METTL9: variants seen among roughly 807,000 people sequenced by gnomAD.
The protein encoded by METTL9 is methyltransferase 9, His-X-His N1(pi)-histidine, also known as protein-L-histidine N-pros-methyltransferase.
METTL9 carries 10 observed loss-of-function variants against 36.0 expected under a neutral mutation model. That is an observed-to-expected ratio of 0.28 (90% CI 0.17 to 0.47). The LOEUF (loss-of-function observed/expected upper bound fraction) is 0.47. Ranked by LOEUF, METTL9 falls within the 20% of genes least tolerant of loss-of-function variation. The probability of loss-of-function intolerance (pLI) is 0.99; values close to 1 mark genes in which losing one functional copy is unlikely to be tolerated. For missense variants in METTL9, 246 were observed against 383.5 expected, an observed-to-expected ratio of 0.64 and a Z score of 3.00; for synonymous variants, 175 against 149.7, an observed-to-expected ratio of 1.17 and a Z score of -1.23.
intron 3 of METTL9, among the ~76,000 whole-genome samples, chr16:21,623,765 TTTTTG>T (rs774700629): frequency 5.9e-5 from 9 of 151,940 alleles, no homozygotes; most frequent in East Asian, 5.8e-4. Flanking sequence ...TTCTGTATAG[TTTTTG>T]TTTTGTTTTG....
intron 4 of METTL9, chr16:21,644,330 TAGAC>T (rs1966362901): frequency 2.5e-6 from 4 of 1,613,912 alleles, no homozygotes; most frequent in African/African-American, 1.3e-5. Context: ...ACCGGTCACA[TAGAC>T]AGAGAGCAGT....
intron 1 of METTL9, among the ~76,000 whole-genome samples, chr16:21,611,776 AT>A (rs1287752002): frequency 6.6e-6 from 1 of 152,160 alleles, no homozygotes. Context: ...CCGGGACTTG[AT>A]TGTGGGGCTG....
At chr16:21,638,509 C>T (rs1335771901) in intron 4 of METTL9, among the ~76,000 whole-genome samples, 2 of 151,998 alleles carry the variant, frequency 1.3e-5, no homozygotes, top group African/African-American at 4.8e-5. Flanking sequence ...TGTTCAATTG[C>T]ATTTATAGAA....
chr16:21,643,289 C>A, intron 4 of METTL9: 1 of 676,598 alleles, frequency 1.5e-6, no homozygotes, highest in Non-Finnish European at 2.6e-6. Flanking sequence ...TATGTGCCTA[C>A]AGTTAACTCT....
At chr16:21,613,966 T>G (rs1247608217) in intron 2 of METTL9, among the ~76,000 whole-genome samples, 1 of 152,126 alleles carries the variant, frequency 6.6e-6, no homozygotes, top group Non-Finnish European at 1.5e-5. Context: ...AACCACTGGT[T>G]GGGCCCACTT....
At chr16:21,608,885 A>G (rs546914077) in intron 1 of METTL9, among the ~76,000 whole-genome samples, 1 of 152,312 alleles carries the variant, frequency 6.6e-6, no homozygotes, top group South Asian at 2.1e-4. Flanking sequence ...TTTCTTTAGC[A>G]GACACACTGG....
In METTL9 at chr16:21,599,946, TCCC is replaced by T. The variant is rs995819161; in HGVS notation, c.165+49_165+51del. The T allele has an allele frequency of 3.1e-6, 4 of 1,275,314 alleles. No homozygotes were observed. Among genetic ancestry groups the T allele is most frequent in the Non-Finnish European group, 3.9e-6 (4 of 1,014,212 alleles). The allele number at this position is 1,275,314 out of a possible 1,614,324, so 79.0% of individuals were successfully genotyped here. On this transcript the variant is annotated intron_variant, in intron 1 of 4. Coordinates refer to ENST00000358154, the MANE Select transcript of METTL9 (RefSeq NM_016025.5). This position sits in a 1 kb window ranked among gnomAD's most constrained non-coding sequence, Gnocchi z 4.4. ...GGGCGGGGGCGTGGCGGCCCGGCCTTCCCGCGCTGGGCCCGGCTATTGTGCGGG... is the reference window on the plus strand; with the variant it reads ...GGGCGGGGGCGTGGCGGCCCGGCCTTGCGCTGGGCCCGGCTATTGTGCGGG...
intron 4 of METTL9, among the ~76,000 whole-genome samples, chr16:21,630,707 G>C (rs769612695): frequency 6.6e-6 from 1 of 152,150 alleles, no homozygotes; most frequent in Non-Finnish European, 1.5e-5. Context: ...AGCTCATTTG[G>C]GGTTCCATTT....
At chr16:21,604,644 T>C (rs1484174545) in intron 1 of METTL9, among the ~76,000 whole-genome samples, 1 of 152,214 alleles carries the variant, frequency 6.6e-6, no homozygotes. Context: ...GCCTATGCTG[T>C]GCTTAAATGC....
rs1276832730 is a variant in METTL9, at chr16:21,599,589, AGCCTTTGC to A, written c.-144_-137del. 2.9e-5 allele frequency: 38 copies of A among 1,303,498 alleles called. No homozygotes were observed. Among genetic ancestry groups the A allele is most frequent in the Non-Finnish European group, 3.3e-5 (34 of 1,031,182 alleles). 80.7% of individuals were successfully genotyped at this position (1,303,498 alleles called of 1,614,324 possible). On this transcript the variant is annotated 5_prime_UTR_variant, in exon 1 of 5. Transcript: ENST00000358154. This position sits in a 1 kb window ranked among gnomAD's most constrained non-coding sequence, Gnocchi z 4.4. ...GCGCCGGCTGCTCCTCCCCACCCCCAGCCTTTGCCCTGAAGGGGGCTGGATGGGCAAGG... is the reference window on the plus strand; with the variant it reads ...GCGCCGGCTGCTCCTCCCCACCCCCACCTGAAGGGGGCTGGATGGGCAAGG...
intron 4 of METTL9, chr16:21,627,182 T>C: frequency 2.0e-6 from 2 of 985,404 alleles, no homozygotes; most frequent in Non-Finnish European, 2.4e-6. Context: ...ATCCTGATGA[T>C]TTCCATGTGA....
At chr16:21,634,763 G>A (rs1339766849) in intron 4 of METTL9, among the ~76,000 whole-genome samples, 1 of 152,118 alleles carries the variant, frequency 6.6e-6, no homozygotes, top group South Asian at 2.1e-4. Flanking sequence ...TTTGGGCGAC[G>A]GGAGTATATT....
At chr16:21,599,471 G>A (rs899605552), upstream of METTL9, 8 of 1,172,398 alleles carry the variant, frequency 6.8e-6, no homozygotes, top group African/African-American at 6.4e-5. This position sits in a 1 kb window ranked among gnomAD's most constrained non-coding sequence, Gnocchi z 4.4. Context: ...GGGAGAAAGC[G>A]ACGCGGCCGC....
At chr16:21,654,687 C>G (rs1445756175) in intron 4 of METTL9, 1 of 153,676 alleles carries the variant, frequency 6.5e-6, no homozygotes. Flanking sequence ...AAAAACTCCC[C>G]AATGATCTGC....
intron 4 of METTL9, among the ~76,000 whole-genome samples, chr16:21,631,540 A>G (rs1220404985): frequency 6.6e-6 from 1 of 152,160 alleles, no homozygotes; most frequent in African/African-American, 2.4e-5. Context: ...CTGTTTCTAC[A>G]AGAGTTTCCT....
intron 4 of METTL9, chr16:21,639,687 C>T (rs576447641): frequency 1.3e-5 from 2 of 152,216 alleles, no homozygotes; most frequent in African/African-American, 4.8e-5. Context: ...ACATGTGGCC[C>T]CACACATATA....
intron 4 of METTL9, chr16:21,652,622 G>A: frequency 6.3e-7 from 1 of 1,591,718 alleles, no homozygotes. Context: ...GGGGCGGGTT[G>A]GGGTGTGTAT....
intron 3 of METTL9, among the ~76,000 whole-genome samples, chr16:21,621,222 A>C (rs961772863): frequency 6.6e-6 from 1 of 151,968 alleles, no homozygotes; most frequent in African/African-American, 2.4e-5. Flanking sequence ...TATGTTGACC[A>C]GGCCAGTCTT....
At chr16:21,649,849 T>C (rs1211507242) in intron 4 of METTL9, among the ~76,000 whole-genome samples, 1 of 152,082 alleles carries the variant, frequency 6.6e-6, no homozygotes, top group Non-Finnish European at 1.5e-5. Context: ...GCTGAGACTA[T>C]AGGTGTGCAC....
Sources: allele counts gnomAD v4.1 joint callset (sites outside exome capture counted in the v4.1 genomes callset), GRCh38; gene constraint gnomAD v4.1.1; non-coding constraint Gnocchi (gnomAD v3.1); transcripts MANE v1.5; gene names NCBI Gene and HGNC (gene_info 2026-07-23, HGNC 2026-07-21).